The following ULK2 variants were observed in gnomAD, a reference collection of about 807,000 sequenced individuals.
ULK2 encodes the protein unc-51 like autophagy activating kinase 2, also known as serine/threonine-protein kinase ULK2.
ULK2 carries 76 observed loss-of-function variants against 127.5 expected under a neutral mutation model. The ratio of observed to expected loss-of-function variants is 0.60; its 90% CI spans 0.50 to 0.72. The LOEUF is 0.72. Ranked by LOEUF, ULK2 falls within the 30% of genes least tolerant of loss-of-function variation. ULK2 has a pLI of 0.00. For missense variants in ULK2, 1,144 were observed against 1,295.9 expected, an observed-to-expected ratio of 0.88 and a Z score of 1.80; for synonymous variants, 452 against 461.9, an observed-to-expected ratio of 0.98 and a Z score of 0.28.
At chr17:19,789,496 G>A (rs11656704) in intron 20 of ULK2, among the ~76,000 whole-genome samples, 26,505 of 152,026 alleles carry the variant, frequency 0.17, 2,743 homozygotes, top group Non-Finnish European at 0.24. Context: ...GCCCAGACAC[G>A]GACAAAAATC....
chr17:19,775,001 T>C lies in ULK2; in HGVS notation c.*1348A>G, dbSNP rs1290698907. 1 of 152,668 alleles carries C rather than the reference T, an allele frequency of 6.6e-6. No individual in the cohort carries two copies. The highest frequency in any genetic ancestry group is 1.5e-5 in the Non-Finnish European group (1 of 68,048). The allele number at this position is 152,668 out of a possible 1,614,324, so 9.5% of individuals were successfully genotyped here. A position where few individuals can be genotyped will look rare whatever the true frequency, so the allele number is the denominator to read the frequency against. Reference sequence around the variant, plus strand: ...ACTTTGTCAAAGTAAAGGAAAACCATGTTTGTTTTTATCAGTACATTAAAA... The same window carrying C: ...ACTTTGTCAAAGTAAAGGAAAACCACGTTTGTTTTTATCAGTACATTAAAA... On this transcript the variant is annotated 3_prime_UTR_variant, in exon 27 of 27. Transcript: ENST00000395544.
At chr17:19,780,037 G>C (rs932922181) in intron 25 of ULK2, among the ~76,000 whole-genome samples, 2 of 152,126 alleles carry the variant, frequency 1.3e-5, no homozygotes, top group African/African-American at 4.8e-5. Context: ...AGCTGGGCAT[G>C]GTGGCAAGTG....
rs1184052815 is a variant in ULK2, at chr17:19,844,499, C to T, written c.543+805G>A. On this transcript the variant is annotated intron_variant, in intron 7 of 26. Transcript: ENST00000395544. ...AATATCCTTTAATAATCAGCCAAAG[C>T]ACTCTAACCTCAAGGCTAAACTAAT... Among the ~76,000 whole-genome samples the T allele has an allele frequency of 5.9e-5, 9 of 152,130 alleles. No homozygotes were observed. In the South Asian group the frequency reaches 1.0e-3, roughly 18 times the overall value.
At chr17:19,780,728 C>T in intron 24 of ULK2, 99 bp from the exon 25 acceptor site, 1 of 1,292,890 alleles carries the variant, frequency 7.7e-7, no homozygotes, top group Non-Finnish European at 1.0e-6. Flanking sequence ...GAAGGTGTCA[C>T]TATGTGATCA....
At chr17:19,850,872 T>C (rs2041999035) in intron 3 of ULK2, among the ~76,000 whole-genome samples, 1 of 151,800 alleles carries the variant, frequency 6.6e-6, no homozygotes, top group South Asian at 2.1e-4. Flanking sequence ...TCTAGACCTA[T>C]CTATATCTAG....
intron 19 of ULK2, 22 bp downstream of exon 19, chr17:19,796,073 T>C: frequency 1.9e-6 from 3 of 1,587,228 alleles, no homozygotes; most frequent in Non-Finnish European, 2.6e-6. Context: ...TGTTTAATGC[T>C]AGAATGGAAA....
intron 9 of ULK2, chr17:19,840,394 G>T (rs139473687): frequency 1.5e-5 from 8 of 518,138 alleles, no homozygotes; most frequent in African/African-American, 1.2e-4. Flanking sequence ...TCACTCTTGG[G>T]CGCTCTGTGT....
At chr17:19,864,690 G>A in intron 3 of ULK2, 113 bp downstream of exon 3, 2 of 360,398 alleles carry the variant, frequency 5.5e-6, no homozygotes, top group East Asian at 4.4e-5. Context: ...CTCAAGCTAT[G>A]CATCTTTTCA....
chr17:19,830,913 G>A lies in ULK2; in HGVS notation c.788-4727C>T, dbSNP rs568995984. On this transcript the variant is annotated intron_variant, in intron 10 of 26. Coordinates refer to ENST00000395544, the MANE Select transcript of ULK2 (RefSeq NM_014683.4). Reference sequence around the variant, plus strand: ...GTGGTGGCACGCAGCTGTAATTCCCGCTACTCAGGAGCCTGAGACAGGAGA... The same window carrying A: ...GTGGTGGCACGCAGCTGTAATTCCCACTACTCAGGAGCCTGAGACAGGAGA... 4.6e-5 allele frequency among the ~76,000 whole-genome samples: 7 copies of A among 151,760 alleles called. No individual in the cohort carries two copies. In the East Asian group the frequency reaches 5.8e-4, roughly 13 times the overall value.
chr17:19,821,628 T>G (rs934269051), intron 12 of ULK2, among the ~76,000 whole-genome samples: 1 of 152,222 alleles, frequency 6.6e-6, no homozygotes, highest in Non-Finnish European at 1.5e-5. Context: ...TATCAAACCA[T>G]ACCATTTTCT....
At chr17:19,845,451 C>A in intron 6 of ULK2, 74 bp from the exon 7 acceptor site, 3 of 1,168,760 alleles carry the variant, frequency 2.6e-6, no homozygotes, top group Non-Finnish European at 3.8e-6. Flanking sequence ...TATGATTCTT[C>A]GAGACACAAG....
chr17:19,838,808 A>G (rs2041662460), intron 9 of ULK2, among the ~76,000 whole-genome samples: 1 of 151,932 alleles, frequency 6.6e-6, no homozygotes, highest in Non-Finnish European at 1.5e-5. Context: ...CAGGTGGATC[A>G]TGAGGTCAGG....
At position 19,826,697 on chromosome 17, in the gene ULK2, C is replaced by A. The variant is rs548000787; in HGVS notation, c.788-511G>T. On this transcript the variant is annotated intron_variant, in intron 10 of 26. Transcript: ENST00000395544. The stretch of plus-strand genomic sequence containing the variant: ...CTGGCCGGGTGTGGTGGCTCACGCC[C>A]GTAAGCCCAGCACTTTGGGAGGCCG... Among the ~76,000 whole-genome samples, 18 of 152,188 alleles carry A rather than the reference C, an allele frequency of 1.2e-4. No individual in the cohort carries two copies. The South Asian group carries it at 3.1e-3, about 26-fold the overall frequency.
At chr17:19,855,447 A>G (rs1298979507) in intron 3 of ULK2, among the ~76,000 whole-genome samples, 2 of 151,422 alleles carry the variant, frequency 1.3e-5, no homozygotes, top group Non-Finnish European at 2.9e-5. Context: ...TAAAAATACA[A>G]TAATTAGCCG....
Position 19,814,456 on chromosome 17 carries a change from T to TTTTTTTGTTTGTTTG in ULK2, c.1096+2292_1096+2293insCAAACAAACAAAAAA, listed in dbSNP as rs1555557160. On this transcript the variant is annotated intron_variant, in intron 13 of 26. Transcript: ENST00000395544. ...TATATATATTTTTTTTTTTTTTTTT[T>TTTTTTTGTTTGTTTG]TTTTTTTGGAGACAGGGTCTTGCTC... Among the ~76,000 whole-genome samples, 120 of 18,198 alleles carry TTTTTTTGTTTGTTTG rather than the reference T, an allele frequency of 6.6e-3. 13 individuals are homozygous for TTTTTTTGTTTGTTTG. Among genetic ancestry groups the TTTTTTTGTTTGTTTG allele is most frequent in the South Asian group, 0.011 (6 of 562 alleles). The allele number at this position is 18,198 out of a possible 152,430, so 11.9% of individuals were successfully genotyped here.
chr17:19,865,388 T>TC (rs1378097736), intron 2 of ULK2, among the ~76,000 whole-genome samples: 1 of 151,312 alleles, frequency 6.6e-6, no homozygotes, highest in Non-Finnish European at 1.5e-5. Flanking sequence ...GCACCCCTAC[T>TC]CCCCCCAAAA....
chr17:19,849,004 T>G (rs1196500059), intron 5 of ULK2, among the ~76,000 whole-genome samples: 4 of 152,164 alleles, frequency 2.6e-5, no homozygotes, highest in Non-Finnish European at 4.4e-5. Context: ...CTTGGATATA[T>G]TTTTCCACTA....
rs111941300 is a variant in ULK2 at position 19,804,571 on chromosome 17, C to T, written c.1295+122G>A. The T allele has an allele frequency of 1.3e-4, 132 of 1,001,200 alleles. 1 individual carries two copies. Among genetic ancestry groups the T allele is most frequent in the African/African-American group, 7.5e-4 (45 of 60,206 alleles). 62.0% of individuals were successfully genotyped at this position (1,001,200 alleles called of 1,614,324 possible). On this transcript the variant is annotated intron_variant, in intron 15 of 26. Transcript: ENST00000395544. ...TAAAACTTTATTATTCAATTTTGTG[C>T]GTTCCCATTATACACACATGTAAGA... is the stretch of plus-strand genomic sequence containing the variant.
chr17:19,856,115 A>C (rs945327340), intron 3 of ULK2: 1 of 152,212 alleles, frequency 6.6e-6, no homozygotes, highest in Non-Finnish European at 1.5e-5. Flanking sequence ...ATCAAAATAC[A>C]TAACAATTCC....
Sources: gnomAD v4.1 joint callset for allele counts (sites outside exome capture counted in the v4.1 genomes callset) on GRCh38, gnomAD v4.1.1 for gene constraint, MANE v1.5 for transcripts, NCBI Gene and HGNC (gene_info 2026-07-23, HGNC 2026-07-21) for gene names.